The following FYB1 variants were observed in gnomAD, a reference collection of about 807,000 sequenced individuals.
FYB1 encodes the protein FYN binding protein 1.
In FYB1, 41 loss-of-function variants were observed where a neutral mutation model predicts 94.1. The ratio of observed to expected loss-of-function variants is 0.44; its 90% CI spans 0.34 to 0.57. The LOEUF (loss-of-function observed/expected upper bound fraction) is 0.57, where lower values mean the gene tolerates loss of function less well. Ranked by LOEUF, FYB1 falls within the 20% of genes least tolerant of loss-of-function variation. FYB1 has a pLI of 0.02. For missense variants in FYB1, 1,050 were observed against 976.8 expected, an observed-to-expected ratio of 1.07 and a Z score of -1.00; for synonymous variants, 367 against 353.2, an observed-to-expected ratio of 1.04 and a Z score of -0.44.
intron 2 of FYB1, among the ~76,000 whole-genome samples, chr5:39,179,294 A>G (rs1166433439): frequency 1.3e-5 from 2 of 152,150 alleles, no homozygotes; most frequent in Non-Finnish European, 2.9e-5. Context: ...TGCTAACATG[A>G]CCACTGTGCA....
At chr5:39,151,049 GCT>G (rs1173627010) in intron 3 of FYB1, among the ~76,000 whole-genome samples, 7 of 151,974 alleles carry the variant, frequency 4.6e-5, no homozygotes, top group Non-Finnish European at 1.5e-5. Context: ...CTCTACCTGC[GCT>G]CTGTGCCTAG....
intron 1 of FYB1, among the ~76,000 whole-genome samples, chr5:39,273,024 G>T (rs191272809): frequency 4.2e-4 from 64 of 152,274 alleles, no homozygotes; most frequent in African/African-American, 1.5e-3. Flanking sequence ...GAGGGAGGTG[G>T]GGGGCGCCTC....
intron 13 of FYB1, among the ~76,000 whole-genome samples, chr5:39,122,703 T>A (rs891554472): frequency 6.6e-6 from 1 of 152,140 alleles, no homozygotes; most frequent in Non-Finnish European, 1.5e-5. Context: ...GTGCAATGAA[T>A]GTCAGGAGTG....
At chr5:39,127,891 C>T in intron 10 of FYB1, 84 bp from the exon 11 acceptor site, 1 of 1,243,432 alleles carries the variant, frequency 8.0e-7, no homozygotes, top group Non-Finnish European at 1.1e-6. Flanking sequence ...TGTAAATCTT[C>T]CTTATTTAAC....
At position 39,106,806 on chromosome 5, in the gene FYB1, T is replaced by G. The variant is rs1760403176; in HGVS notation, c.*637A>C. On this transcript the variant is annotated 3_prime_UTR_variant, in exon 19 of 19. Coordinates refer to ENST00000512982, the MANE Select transcript of FYB1 (RefSeq NM_001465.6). ...ACAGTTTAGACTTCAATGTGCATAC[T>G]AAATGCATAACATTCGTATCAAATA... 1 of 152,120 alleles carries G rather than the reference T, an allele frequency of 6.6e-6. No individual in the cohort carries two copies. The allele number at this position is 152,120 out of a possible 1,614,324, so 9.4% of individuals were successfully genotyped here.
chr5:39,156,236 A>T (rs1376955400), intron 2 of FYB1, among the ~76,000 whole-genome samples: 2 of 152,274 alleles, frequency 1.3e-5, no homozygotes, highest in East Asian at 3.9e-4. Context: ...ACACAGGCTT[A>T]TGAGACTCTA....
intron 2 of FYB1, among the ~76,000 whole-genome samples, chr5:39,163,403 G>C (rs1194372434): frequency 1.3e-5 from 2 of 152,196 alleles, no homozygotes; most frequent in African/African-American, 4.8e-5. Context: ...GCTGAAATTA[G>C]AATGGAGGTG....
intron 16 of FYB1, chr5:39,110,785 A>T (rs555246878): frequency 1.6e-5 from 6 of 365,810 alleles, no homozygotes; most frequent in Admixed American, 4.1e-5. Flanking sequence ...TTTAAATACC[A>T]CCAGATCTAA....
intron 1 of FYB1, among the ~76,000 whole-genome samples, chr5:39,203,385 T>A (rs975993635): frequency 1.1e-4 from 16 of 152,230 alleles, no homozygotes; most frequent in Admixed American, 1.3e-4. Flanking sequence ...TTGAAACTCT[T>A]AAGTAGAAAC....
intron 16 of FYB1, among the ~76,000 whole-genome samples, chr5:39,112,985 G>T (rs1166377785): frequency 6.6e-6 from 1 of 152,062 alleles, no homozygotes. Flanking sequence ...CACGGGGCTT[G>T]TTAGCTATAA....
In FYB1 at chr5:39,122,492, T is replaced by C. The variant is rs554753936; in HGVS notation, c.2072-90A>G. Reference sequence around the variant, plus strand: ...ATGATGTTTTTAATATAAAGATTGCTTCAAGGACAATAAAATAAGTTGTCC... The same window carrying C: ...ATGATGTTTTTAATATAAAGATTGCCTCAAGGACAATAAAATAAGTTGTCC... On this transcript the variant is annotated intron_variant, in intron 13 of 18. Coordinates refer to ENST00000512982, the MANE Select transcript of FYB1 (RefSeq NM_001465.6). 1.3e-4 allele frequency: 104 copies of C among 771,032 alleles called. 1 individual carries two copies. The South Asian group carries it at 1.6e-3, about 12-fold the overall frequency. 47.8% of individuals were successfully genotyped at this position (771,032 alleles called of 1,614,324 possible).
In FYB1 at chr5:39,235,831, T is replaced by A. The variant is rs559769913; in HGVS notation, c.-27-32844A>T. ...CTATATTTCTCAACAAAACTGTTGA[T>A]AAGCTTCTAGAACAGTGTTGTGCAA... On this transcript the variant is annotated intron_variant, in intron 1 of 1. Coordinates refer to the FYB1 transcript ENST00000510188. 4.6e-5 allele frequency among the ~76,000 whole-genome samples: 7 copies of A among 152,202 alleles called. No homozygotes were observed. In the East Asian group the frequency reaches 1.4e-3, roughly 29 times the overall value.
chr5:39,117,891 A>T (rs980929779), intron 16 of FYB1, among the ~76,000 whole-genome samples: 2 of 151,960 alleles, frequency 1.3e-5, no homozygotes, highest in East Asian at 3.9e-4. Flanking sequence ...TTTATTTTCT[A>T]ATTTTTTCTG....
chr5:39,143,167 T>A (rs1742333948), intron 3 of FYB1, among the ~76,000 whole-genome samples: 1 of 152,186 alleles, frequency 6.6e-6, no homozygotes, highest in Non-Finnish European at 1.5e-5. Flanking sequence ...GATTCAAATA[T>A]ATACATCTTG....
chr5:39,210,873 A>G (rs183638493), intron 1 of FYB1, among the ~76,000 whole-genome samples: 15 of 152,280 alleles, frequency 9.9e-5, no homozygotes, highest in African/African-American at 3.1e-4. Context: ...ATAAATATAT[A>G]TGAGTTTCTA....
At chr5:39,114,137 T>A (rs941431933) in intron 16 of FYB1, among the ~76,000 whole-genome samples, 1 of 151,948 alleles carries the variant, frequency 6.6e-6, no homozygotes, top group African/African-American at 2.4e-5. Context: ...CTAAAGAAAA[T>A]GGAGAGCATT....
At chr5:39,200,556 T>C (rs1748218754) in intron 2 of FYB1, among the ~76,000 whole-genome samples, 1 of 152,208 alleles carries the variant, frequency 6.6e-6, no homozygotes, top group Non-Finnish European at 1.5e-5. Context: ...TATGACCTGG[T>C]AATGAAACAA....
At chr5:39,205,630 T>C (rs559304236) in intron 1 of FYB1, among the ~76,000 whole-genome samples, 3 of 152,330 alleles carry the variant, frequency 2.0e-5, no homozygotes, top group African/African-American at 7.2e-5. Context: ...AAACTCAATG[T>C]CCTGGCTTTG....
chr5:39,270,718 G>C (rs1015406236), intron 1 of FYB1: 2 of 588,134 alleles, frequency 3.4e-6, no homozygotes, highest in African/African-American at 3.8e-5. Flanking sequence ...TGATATGTGA[G>C]GCTACATTTG....
Sources: gnomAD v4.1 joint callset for allele counts (sites outside exome capture counted in the v4.1 genomes callset) on GRCh38, gnomAD v4.1.1 for gene constraint, MANE v1.5 for transcripts, NCBI Gene and HGNC (gene_info 2026-07-23, HGNC 2026-07-21) for gene names.